NBEAL2: variants seen among roughly 807,000 people sequenced by gnomAD.
NBEAL2 encodes the protein neurobeachin like 2, also known as neurobeachin-like protein 2.
Under a neutral mutation model 299.8 loss-of-function variants are expected in NBEAL2, and 160 were observed. The observed-to-expected ratio is 0.53, with a 90% confidence interval of 0.47 to 0.61. The LOEUF is 0.61. Ranked by LOEUF, NBEAL2 falls within the 20% of genes least tolerant of loss-of-function variation. The pLI is 0.00. For synonymous variants in NBEAL2, 1,493 were observed against 1,542.3 expected, an observed-to-expected ratio of 0.97 and a Z score of 0.75; for missense variants, 3,112 against 3,649.0, an observed-to-expected ratio of 0.85 and a Z score of 3.79.
At chr3:46,992,384 C>T in intron 9 of NBEAL2, 91 bp from the exon 10 acceptor site, 1 of 1,221,542 alleles carries the variant, frequency 8.2e-7, no homozygotes, top group Non-Finnish European at 1.2e-6. Context: ...CACCTGGCAG[C>T]TGCCCCTGGT....
At position 46,998,825 on chromosome 3, in the gene NBEAL2, G is replaced by A; in HGVS notation, c.3330G>A (p.Val1110=). 4 of 1,573,266 alleles carry A rather than the reference G, an allele frequency of 2.5e-6. No individual in the cohort carries two copies. Among genetic ancestry groups the A allele is most frequent in the Non-Finnish European group, 3.4e-6 (4 of 1,159,598 alleles). ...TGCGGAGTCTCTCAGCAGATGACGT[G>A]CAGGTCACGCAGACCATGCTGAGCT... ...FLVRSLSADD[V]QVTQTMLSFL... The change falls in exon 23 of 54, where the codon GTG becomes GTA. Residue 1110 remains valine (V), a synonymous_variant. Transcript: ENST00000450053.
chr3:46,988,650 T>A lies in NBEAL2; in HGVS notation c.52-19T>A. The A allele has an allele frequency of 6.2e-7, 1 of 1,609,280 alleles. No homozygotes were observed. The highest frequency in any genetic ancestry group is 1.3e-5 in the African/African-American group (1 of 74,872). On this transcript the variant is annotated intron_variant, in intron 1 of 53. Transcript: ENST00000450053. The surrounding 1 kb of genome is among the most constrained non-coding windows in gnomAD (Gnocchi z 4.4). ...CATCCCTCCTGCCCCCCACCACTGT[T>A]CCCCTGTTCTGCCTACAGAAGGACC...
intron 46 of NBEAL2, 38 bp downstream of exon 46, chr3:47,007,193 C>G: frequency 6.2e-7 from 1 of 1,610,370 alleles, no homozygotes; most frequent in Non-Finnish European, 8.5e-7. Context: ...CAGCTCCACT[C>G]CCCCTTGCCT....
Position 46,995,966 on chromosome 3 carries a change from G to A in NBEAL2, c.2066G>A (p.Arg689Gln), listed in dbSNP as rs776893573. 12 of 1,613,054 alleles carry A rather than the reference G, an allele frequency of 7.4e-6. No homozygotes were observed. The highest frequency in any genetic ancestry group is 5.3e-5 in the African/African-American group (4 of 74,912). Reference sequence around the variant, plus strand: ...GCTATCGTCCATGTGCCTGGGCGCCGGCCCTTCAGCCAGAACCTGGTCCAT... The same window carrying A: ...GCTATCGTCCATGTGCCTGGGCGCCAGCCCTTCAGCCAGAACCTGGTCCAT... ...CVAIVHVPGR[R>Q]PFSQNLVHVY... The change falls in exon 15 of 54, where the codon CGG becomes CAG. Residue 689 changes from arginine (R) to glutamine (Q), a missense_variant. Arg to Gln is a conservative substitution (Grantham distance 43, BLOSUM62 1). This residue lies in a region of NBEAL2 where 2,243 missense variants were observed against 2,538.1 expected (regional missense o/e 0.88). Transcript: ENST00000450053.
rs2037174148 is a variant in NBEAL2, at chr3:47,003,279, G to T, written c.5690G>T (p.Gly1897Val). 6.2e-7 allele frequency: 1 copy of T among 1,612,892 alleles called. No homozygotes were observed. The highest frequency in any genetic ancestry group is 1.7e-5 in the Admixed American group (1 of 59,994). The change falls in exon 35 of 54, where the codon GGC becomes GTC. Residue 1897 changes from glycine (G) to valine (V), a missense_variant. By Grantham distance (109) the Gly-to-Val change is moderately radical. Coordinates refer to ENST00000450053, the MANE Select transcript of NBEAL2 (RefSeq NM_015175.3). This position sits in a 1 kb window ranked among gnomAD's most constrained non-coding sequence, Gnocchi z 7.0. Reference protein sequence around the residue: ...PPELLQEDQLGEDELAELETP... With the variant: ...PPELLQEDQLVEDELAELETP... ...GAGTTGCTGCAGGAGGACCAGCTCG[G>T]CGAGGACGAGCTGGCTGAGCTGGAG... is the stretch of plus-strand genomic sequence containing the variant.
chr3:47,000,913 G>T lies in NBEAL2; in HGVS notation c.4306-88G>T, dbSNP rs546922465. The T allele has an allele frequency of 5.9e-6, 9 of 1,535,106 alleles. No individual in the cohort carries two copies. In the African/African-American group the frequency reaches 8.2e-5, roughly 14 times the overall value. On this transcript the variant is annotated intron_variant, in intron 27 of 53. Coordinates refer to ENST00000450053, the MANE Select transcript of NBEAL2 (RefSeq NM_015175.3). The surrounding 1 kb of genome is among the most constrained non-coding windows in gnomAD (Gnocchi z 4.5). ...CTCCTGGGTGGCTACCCCAGGAGGG[G>T]TGCTGAGTGGGGATGGGTGGGCGTC...
Position 46,989,137 on chromosome 3 carries a change from C to T in NBEAL2, c.322C>T (p.Leu108=). ...GGGCCAAGTGCTAGTGCCCCGAGTG[C>T]TGGCACTGTTGACCAAGTTGGTGGC... is the stretch of plus-strand genomic sequence containing the variant. The part of the protein sequence containing the change: ...GRGQVLVPRV[L]ALLTKLVAEL... Residue 108 remains leucine (L), a synonymous_variant, in exon 4 of 54, where the codon CTG becomes TTG. Coordinates refer to ENST00000450053, the MANE Select transcript of NBEAL2 (RefSeq NM_015175.3). This position sits in a 1 kb window ranked among gnomAD's most constrained non-coding sequence, Gnocchi z 5.5. 1 of 1,613,890 alleles carries T rather than the reference C, an allele frequency of 6.2e-7. No individual in the cohort carries two copies. Among genetic ancestry groups the T allele is most frequent in the Non-Finnish European group, 8.5e-7 (1 of 1,179,846 alleles).
In NBEAL2 at chr3:46,994,648, T is replaced by C. The variant is rs751651734; in HGVS notation, c.1296+95T>C. ...GAGCTCTCCACCCTGGGGGACCGTA[T>C]TGACTGCGGCCAGTACATACTGTTA... On this transcript the variant is annotated intron_variant, in intron 12 of 53. Transcript: ENST00000450053. The C allele has an allele frequency of 9.2e-5, 99 of 1,073,274 alleles. 1 individual carries two copies. In the Admixed American group the frequency reaches 1.4e-3, roughly 15 times the overall value. The allele number at this position is 1,073,274 out of a possible 1,614,324, so 66.5% of individuals were successfully genotyped here.
At chr3:46,984,086 G>C (rs552447464) in intron 1 of NBEAL2, among the ~76,000 whole-genome samples, 2 of 151,546 alleles carry the variant, frequency 1.3e-5, no homozygotes, top group African/African-American at 4.8e-5. Context: ...AGATCACGAG[G>C]TCAGGAGATC....
rs762585107 is a variant in NBEAL2 at position 46,991,211 on chromosome 3, C to T, written c.557-8C>T. On this transcript the variant is annotated splice_polypyrimidine_tract_variant and splice_region_variant and intron_variant, in intron 6 of 53. Coordinates refer to ENST00000450053, the MANE Select transcript of NBEAL2 (RefSeq NM_015175.3). The surrounding 1 kb of genome is among the most constrained non-coding windows in gnomAD (Gnocchi z 6.2). ...GTGACATTACCCTGCCCACACCCCC[C>T]TACCCAGAGAGCCTACAGAATGCAG... is the stretch of plus-strand genomic sequence containing the variant. The T allele has an allele frequency of 4.4e-6, 7 of 1,600,668 alleles. No homozygotes were observed. The highest frequency in any genetic ancestry group is 5.1e-6 in the Non-Finnish European group (6 of 1,173,016).
rs572872280 is a variant in NBEAL2 at position 46,986,728 on chromosome 3, G to C, written c.52-1941G>C. On this transcript the variant is annotated intron_variant, in intron 1 of 53. Transcript: ENST00000450053. ...CCGCATGGTCCTCATGGGCTGGCTT[G>C]CTAGCAATCATGAGTGGTCCTGGCC... Among the ~76,000 whole-genome samples the C allele has an allele frequency of 2.6e-5, 4 of 152,306 alleles. No individual in the cohort carries two copies. The South Asian group carries it at 8.3e-4, about 32-fold the overall frequency.
intron 1 of NBEAL2, among the ~76,000 whole-genome samples, chr3:46,984,982 C>T (rs2035589533): frequency 6.6e-6 from 1 of 152,172 alleles, no homozygotes; most frequent in African/African-American, 2.4e-5. Flanking sequence ...TGTTAAGTAA[C>T]AAGCTACTGA....
chr3:46,998,409 C>A, intron 21 of NBEAL2, 54 bp from the exon 22 acceptor site: 1 of 1,561,398 alleles, frequency 6.4e-7, no homozygotes, highest in South Asian at 1.2e-5. Flanking sequence ...CCTGGAGGAT[C>A]TGAAGGGCCC....
chr3:46,996,173 G>A, intron 15 of NBEAL2, 98 bp from the exon 16 acceptor site: 1 of 1,559,212 alleles, frequency 6.4e-7, no homozygotes, highest in East Asian at 2.3e-5. Context: ...TAGCCACTGG[G>A]GTCCATGCAG....
chr3:47,000,140 T>A lies in NBEAL2; in HGVS notation c.4041T>A (p.His1347Gln). ...APCPDPDGFYHALSPFCTPFD... is the reference protein window; with the variant it reads ...APCPDPDGFYQALSPFCTPFD... ...GCCCTGACCCTGATGGCTTTTACCA[T>A]GCTCTCTCCCCATTCTGCACGCCCT... Residue 1347 changes from histidine (H) to glutamine (Q), a missense_variant, in exon 27 of 54, where the codon CAT (histidine) becomes CAA (glutamine). This residue lies in a region of NBEAL2 where 2,243 missense variants were observed against 2,538.1 expected (regional missense o/e 0.88). Coordinates refer to ENST00000450053, the MANE Select transcript of NBEAL2 (RefSeq NM_015175.3). The surrounding 1 kb of genome is among the most constrained non-coding windows in gnomAD (Gnocchi z 4.5). 1 of 1,613,698 alleles carries A rather than the reference T, an allele frequency of 6.2e-7. No homozygotes were observed. The highest frequency in any genetic ancestry group is 1.3e-5 in the African/African-American group (1 of 74,988).
Position 47,003,459 on chromosome 3 carries a change from T to G in NBEAL2, c.5720+150T>G. 8.4e-7 allele frequency: 1 copy of G among 1,184,292 alleles called. No individual in the cohort carries two copies. The allele number at this position is 1,184,292 out of a possible 1,614,324, so 73.4% of individuals were successfully genotyped here. Reference sequence around the variant, plus strand: ...GAAGGGACTGTCCAAAGCCAGATGGTGAGTGGGAGAGTCTCCTAACAGGGC... The same window carrying G: ...GAAGGGACTGTCCAAAGCCAGATGGGGAGTGGGAGAGTCTCCTAACAGGGC... On this transcript the variant is annotated intron_variant, in intron 35 of 53. Transcript: ENST00000450053. The surrounding 1 kb of genome is among the most constrained non-coding windows in gnomAD (Gnocchi z 7.0).
chr3:46,979,920 C>A lies in NBEAL2; in HGVS notation c.51+8C>A. On this transcript the variant is annotated splice_region_variant and intron_variant, in intron 1 of 53. Coordinates refer to ENST00000450053, the MANE Select transcript of NBEAL2 (RefSeq NM_015175.3). ...CTGCTCTACTACGCGCAGGTGAGCC[C>A]GCCCCGCCCCGCGCCCGCACCCGCA... is the stretch of plus-strand genomic sequence containing the variant. The A allele has an allele frequency of 2.6e-6, 1 of 386,918 alleles. No individual in the cohort carries two copies. The highest frequency in any genetic ancestry group is 4.6e-6 in the Non-Finnish European group (1 of 215,896). The allele number at this position is 386,918 out of a possible 1,614,324, so 24.0% of individuals were successfully genotyped here. A position where few individuals can be genotyped will look rare whatever the true frequency, so the allele number is the denominator to read the frequency against.
rs371102442 is a variant in NBEAL2, at chr3:46,980,412, T to C, written c.51+500T>C. ...AGGGAGGTGTGTGGAAGGGGAATGC[T>C]CCCACTTCAGGTCCTTCTTGAGTTG... On this transcript the variant is annotated intron_variant, in intron 1 of 53. Coordinates refer to ENST00000450053, the MANE Select transcript of NBEAL2 (RefSeq NM_015175.3). 5.3e-5 allele frequency among the ~76,000 whole-genome samples: 8 copies of C among 152,060 alleles called. No individual in the cohort carries two copies. The East Asian group carries it at 1.2e-3, about 22-fold the overall frequency.
At chr3:47,006,992 G>A in intron 45 of NBEAL2, 74 bp from the exon 46 acceptor site, 1 of 1,244,626 alleles carries the variant, frequency 8.0e-7, no homozygotes, top group Non-Finnish European at 1.1e-6. Flanking sequence ...TAAAGGAAGG[G>A]ATGATGCTTC....
Sources: allele counts gnomAD v4.1 joint callset (sites outside exome capture counted in the v4.1 genomes callset), GRCh38; gene constraint gnomAD v4.1.1; regional missense constraint gnomAD v4.1.1; non-coding constraint Gnocchi (gnomAD v3.1); transcripts MANE v1.5; gene names NCBI Gene and HGNC (gene_info 2026-07-23, HGNC 2026-07-21).